The following CCDC171 variants were observed in gnomAD, a reference collection of about 807,000 sequenced individuals.
The protein encoded by CCDC171 is coiled-coil domain containing 171.
CCDC171 carries 177 observed loss-of-function variants against 168.2 expected under a neutral mutation model. The observed-to-expected ratio is 1.05, with a 90% confidence interval of 0.93 to 1.19. The LOEUF (loss-of-function observed/expected upper bound fraction) is 1.19. CCDC171 is among the 50% of genes most tolerant of loss of function. CCDC171 has a pLI of 0.00. For missense variants in CCDC171, 1,991 were observed against 1,539.0 expected (o/e 1.29, Z -4.91); for synonymous variants, 687 against 540.8 (o/e 1.27, Z -3.75).
the CCDC171 span, among the ~76,000 whole-genome samples, chr9:16,097,527 T>G: frequency 6.6e-6 from 1 of 152,218 alleles, no homozygotes; most frequent in Non-Finnish European, 1.5e-5. Context: ...GAAGCTTGCT[T>G]GAAGCTACAC....
intron 2 of CCDC171, among the ~76,000 whole-genome samples, chr9:15,565,926 C>T (rs551661968): frequency 1.3e-5 from 2 of 152,340 alleles, no homozygotes; most frequent in African/African-American, 4.8e-5. Context: ...TTTCAAGAAA[C>T]TGCCAAATTG....
At chr9:15,791,824 A>G (rs931560462) in intron 21 of CCDC171, among the ~76,000 whole-genome samples, 1 of 152,242 alleles carries the variant, frequency 6.6e-6, no homozygotes, top group Non-Finnish European at 1.5e-5. Context: ...CCTCATATGT[A>G]CGTCACCATC....
At chr9:16,030,236 G>A (rs1018858263) in intron 6 of CCDC171, among the ~76,000 whole-genome samples, 3 of 152,080 alleles carry the variant, frequency 2.0e-5, no homozygotes, top group African/African-American at 7.3e-5. Context: ...GGTAATTTCA[G>A]TTACTCTTTA....
At chr9:15,570,292 G>GT (rs905902127) in intron 2 of CCDC171, among the ~76,000 whole-genome samples, 56 of 148,788 alleles carry the variant, frequency 3.8e-4, no homozygotes, top group Non-Finnish European at 6.6e-4. Context: ...TTTAAGAGCT[G>GT]TTTTTTTTTT....
intron 7 of CCDC171, 80 bp downstream of exon 7, chr9:15,623,493 A>C: frequency 3.1e-6 from 2 of 644,452 alleles, no homozygotes; most frequent in Non-Finnish European, 4.9e-6. Context: ...ACACACACAC[A>C]CACACACACA....
intron 25 of CCDC171, among the ~76,000 whole-genome samples, chr9:15,959,130 G>A (rs141057034): frequency 5.3e-4 from 81 of 152,266 alleles, no homozygotes; most frequent in African/African-American, 1.8e-3. Flanking sequence ...GGACAAACAT[G>A]CCTGGCCAAT....
At chr9:15,761,232 CT>C (rs1340635175) in intron 18 of CCDC171, among the ~76,000 whole-genome samples, 4 of 152,094 alleles carry the variant, frequency 2.6e-5, no homozygotes, top group South Asian at 2.1e-4. Context: ...CAACTCAGAA[CT>C]TTTTTTTATT....
intron 25 of CCDC171, among the ~76,000 whole-genome samples, chr9:15,952,993 G>A (rs902199209): frequency 1.3e-5 from 2 of 151,994 alleles, no homozygotes; most frequent in African/African-American, 4.8e-5. Flanking sequence ...TTATTGTTAG[G>A]GTATGGAAAT....
intron 7 of CCDC171, among the ~76,000 whole-genome samples, chr9:15,656,620 A>G (rs1402382358): frequency 6.6e-6 from 1 of 152,216 alleles, no homozygotes; most frequent in Non-Finnish European, 1.5e-5. Flanking sequence ...TGTAAGGGGA[A>G]AGAAGCCTGG....
At position 15,642,179 on chromosome 9, in the gene CCDC171, CTGT is replaced by C. The variant is rs1249628275; in HGVS notation, c.823-14943_823-14941del. On this transcript the variant is annotated intron_variant, in intron 7 of 25. Coordinates refer to ENST00000380701, the MANE Select transcript of CCDC171 (RefSeq NM_173550.4). Reference sequence around the variant, plus strand: ...CTGTCTCAAAAACAAAAAAAAAGGACTGTTGTTCGTAGTGTATAGTACATAATA... The same window carrying C: ...CTGTCTCAAAAACAAAAAAAAAGGACTGTTCGTAGTGTATAGTACATAATA... Among the ~76,000 whole-genome samples the C allele has an allele frequency of 5.3e-5, 8 of 151,358 alleles. No individual in the cohort carries two copies. The East Asian group carries it at 1.6e-3, about 29-fold the overall frequency.
chr9:16,005,257 CT>C lies in CCDC171; in HGVS notation n.369-15328del, dbSNP rs376977587. On this transcript the variant is annotated intron_variant and non_coding_transcript_variant, in intron 3 of 9. Coordinates refer to the CCDC171 transcript ENST00000486641. ...TTCATATAATCACATAATATGTGGT[CT>C]TTTGTGAGTGACTTTTTCACATAGC... Among the ~76,000 whole-genome samples, 32 of 152,310 alleles carry C rather than the reference CT, an allele frequency of 2.1e-4. No individual in the cohort carries two copies. In the East Asian group the frequency reaches 5.6e-3, roughly 27 times the overall value.
At chr9:15,999,851 C>G (rs898400015) in intron 3 of CCDC171, among the ~76,000 whole-genome samples, 1 of 152,162 alleles carries the variant, frequency 6.6e-6, no homozygotes, top group Admixed American at 6.5e-5. Flanking sequence ...TGAATCATGT[C>G]CCCAGGCTCC....
intron 23 of CCDC171, among the ~76,000 whole-genome samples, chr9:15,869,966 T>G (rs933044341): frequency 3.3e-5 from 5 of 151,914 alleles, no homozygotes; most frequent in Non-Finnish European, 7.4e-5. Flanking sequence ...GAGCAGGGGA[T>G]GACCAAGTTT....
chr9:15,651,730 C>T (rs1208802526), intron 7 of CCDC171, among the ~76,000 whole-genome samples: 1 of 151,972 alleles, frequency 6.6e-6, no homozygotes, highest in East Asian at 1.9e-4. Context: ...TATATATAAC[C>T]CACTTTCTTT....
At chr9:15,612,053 C>G (rs1333318287) in intron 6 of CCDC171, among the ~76,000 whole-genome samples, 2 of 152,218 alleles carry the variant, frequency 1.3e-5, no homozygotes, top group African/African-American at 4.8e-5. Context: ...CCTCTATAAA[C>G]TAGAAAGTAG....
At chr9:15,995,381 CTGGTGATCCATGTATTTT>C (rs1832339987) in intron 3 of CCDC171, among the ~76,000 whole-genome samples, 1 of 152,196 alleles carries the variant, frequency 6.6e-6, no homozygotes, top group South Asian at 2.1e-4. Context: ...AAAGATGTCC[CTGGTGATCCATGTATTTT>C]TGTTAGCGTA....
intron 10 of CCDC171, among the ~76,000 whole-genome samples, chr9:15,691,394 A>G (rs2050764921): frequency 6.6e-6 from 1 of 151,168 alleles, no homozygotes; most frequent in Non-Finnish European, 1.5e-5. Flanking sequence ...TATAATTATA[A>G]AACACATTGT....
At chr9:15,571,855 A>C (rs571582267) in intron 3 of CCDC171, 96 bp downstream of exon 3, 3 of 1,118,642 alleles carry the variant, frequency 2.7e-6, no homozygotes, top group South Asian at 3.2e-5. Context: ...CTTTATAACT[A>C]TACCATTCTT....
intron 11 of CCDC171, among the ~76,000 whole-genome samples, chr9:15,698,351 C>T (rs1486256783): frequency 6.6e-6 from 1 of 152,046 alleles, no homozygotes; most frequent in African/African-American, 2.4e-5. Flanking sequence ...GAAACACCGT[C>T]TCTACTAAAA....
Sources: gnomAD v4.1 joint callset for allele counts (sites outside exome capture counted in the v4.1 genomes callset) on GRCh38, gnomAD v4.1.1 for gene constraint, MANE v1.5 for transcripts, NCBI Gene and HGNC (gene_info 2026-07-23, HGNC 2026-07-21) for gene names.